MET: variants seen among roughly 807,000 people sequenced by gnomAD.
MET encodes hepatocyte growth factor receptor.
Under a neutral mutation model 133.1 loss-of-function variants are expected in MET, and 48 were observed. That is an observed-to-expected ratio of 0.36 (90% CI 0.29 to 0.46). The LOEUF (loss-of-function observed/expected upper bound fraction) is 0.46, where lower values mean the gene tolerates loss of function less well. MET is among the 20% of genes least tolerant of loss of function. The pLI, the probability that MET is intolerant of heterozygous loss-of-function variation, is 1.00. For missense variants in MET, 1,442 were observed against 1,695.9 expected (o/e 0.85, Z 2.63); for synonymous variants, 628 against 616.5 (o/e 1.02, Z -0.28).
At chr7:116,698,989 A>G (rs566231589) in intron 1 of MET, 82 bp from the exon 2 acceptor site, 69 of 1,589,904 alleles carry the variant, frequency 4.3e-5, no homozygotes, top group Non-Finnish European at 5.7e-5. Flanking sequence ...TTTATTTCTG[A>G]TAGATTAAAT....
intron 5 of MET, among the ~76,000 whole-genome samples, chr7:116,754,943 GAAAGAA>G (rs759960697): frequency 2.0e-4 from 27 of 135,036 alleles, no homozygotes; most frequent in African/African-American, 6.5e-4. Context: ...AAGAAAGAAA[GAAAGAA>G]AGAGAAAGAA....
intron 1 of MET, among the ~76,000 whole-genome samples, chr7:116,691,190 C>T (rs967526627): frequency 5.3e-5 from 8 of 152,300 alleles, no homozygotes; most frequent in Middle Eastern, 3.4e-3. Flanking sequence ...TATATCTTAA[C>T]TCTTTACTTA....
chr7:116,708,862 ACC>A (rs1791893173), intron 2 of MET, among the ~76,000 whole-genome samples: 1 of 152,160 alleles, frequency 6.6e-6, no homozygotes. Context: ...AAGTTTTATG[ACC>A]AAGAGAAACA....
chr7:116,751,688 A>G (rs1793926924), intron 5 of MET, among the ~76,000 whole-genome samples: 1 of 152,190 alleles, frequency 6.6e-6, no homozygotes, highest in East Asian at 1.9e-4. Context: ...TTAAAGAGCA[A>G]TGAGAAATGC....
Position 116,796,302 on chromosome 7 carries a change from C to T in MET, c.*178C>T. On this transcript the variant is annotated 3_prime_UTR_variant, in exon 21 of 21. Transcript: ENST00000397752. ...TTCTTATCTGACAGAGCATCAGAAC[C>T]AGAGGCTTGGTCCCACAGGCCACGG... The T allele has an allele frequency of 1.5e-6, 1 of 671,804 alleles. No homozygotes were observed. Among genetic ancestry groups the T allele is most frequent in the Non-Finnish European group, 2.6e-6 (1 of 385,586 alleles). 41.6% of individuals were successfully genotyped at this position (671,804 alleles called of 1,614,324 possible).
intron 11 of MET, among the ~76,000 whole-genome samples, chr7:116,765,850 T>C (rs957286760): frequency 1.3e-5 from 2 of 152,098 alleles, no homozygotes; most frequent in South Asian, 4.1e-4. Context: ...TAAACAAAGG[T>C]TTAGGAAGAT....
Position 116,777,379 on chromosome 7 carries a change from T to C in MET, c.3260-10T>C, listed in dbSNP as rs762916873. The C allele has an allele frequency of 1.9e-6, 3 of 1,613,104 alleles. No homozygotes were observed. In the South Asian group the frequency reaches 3.3e-5, roughly 18 times the overall value. On this transcript the variant is annotated splice_polypyrimidine_tract_variant and intron_variant, in intron 15 of 20. Transcript: ENST00000397752. ...TACGCAGTGCTAACCAAGTTCTTTC[T>C]TTTGCACAGGGCATTTTGGTTGTGT...
At chr7:116,719,542 T>G (rs1274339810) in intron 2 of MET, among the ~76,000 whole-genome samples, 2 of 152,162 alleles carry the variant, frequency 1.3e-5, no homozygotes, top group African/African-American at 4.8e-5. Flanking sequence ...GCTTTTGGTG[T>G]TTTGGACATG....
intron 1 of MET, among the ~76,000 whole-genome samples, chr7:116,674,414 C>G (rs747190582): frequency 6.6e-6 from 1 of 151,892 alleles, no homozygotes; most frequent in Non-Finnish European, 1.5e-5. Flanking sequence ...TTGCATTAAT[C>G]TTGAAATCTT....
intron 1 of MET, among the ~76,000 whole-genome samples, chr7:116,684,603 T>C (rs1223234832): frequency 6.6e-6 from 1 of 152,134 alleles, no homozygotes; most frequent in Non-Finnish European, 1.5e-5. Flanking sequence ...AACTTATCCA[T>C]GTGAAGTTGA....
chr7:116,724,977 A>C, intron 2 of MET: 1 of 740,868 alleles, frequency 1.3e-6, no homozygotes, highest in Non-Finnish European at 1.9e-6. Flanking sequence ...TGCTAAGGTC[A>C]TGCAACTCAT....
intron 2 of MET, among the ~76,000 whole-genome samples, chr7:116,703,462 A>G (rs7805089): frequency 0.026 from 4,025 of 152,266 alleles, 140 homozygotes; most frequent in East Asian, 0.07. Context: ...TATTCTCTAA[A>G]TAGCATATTA....
chr7:116,700,580 A>G (rs1041836036), intron 2 of MET, among the ~76,000 whole-genome samples: 1 of 152,184 alleles, frequency 6.6e-6, no homozygotes, highest in African/African-American at 2.4e-5. Context: ...TTATATTTAC[A>G]CAGATTTTAT....
At chr7:116,792,745 C>G (rs1212432376) in intron 19 of MET, among the ~76,000 whole-genome samples, 1 of 152,172 alleles carries the variant, frequency 6.6e-6, no homozygotes, top group African/African-American at 2.4e-5. Flanking sequence ...ACTCCATCCC[C>G]CTTTTATGTG....
In MET at chr7:116,716,521, G is replaced by GAAAGAA. The variant is rs1562893564; in HGVS notation, c.1201-15145_1201-15140dup. Among the ~76,000 whole-genome samples, 14 of 148,618 alleles carry GAAAGAA rather than the reference G, an allele frequency of 9.4e-5. No homozygotes were observed. In the South Asian group the frequency reaches 2.8e-3, roughly 30 times the overall value. On this transcript the variant is annotated intron_variant, in intron 2 of 20. Coordinates refer to ENST00000397752, the MANE Select transcript of MET (RefSeq NM_000245.4). ...AGAAAGAAAGAAAGAAAGAAAGAAA[G>GAAAGAA]AAAGAAAGAAAGAAAGAAGATATGA...
chr7:116,772,167 A>G (rs1455509087), intron 14 of MET, among the ~76,000 whole-genome samples, 178 bp downstream of exon 14: 1 of 152,202 alleles, frequency 6.6e-6, no homozygotes, highest in Non-Finnish European at 1.5e-5. Flanking sequence ...AAAAGAACCC[A>G]TGTATATATT....
chr7:116,754,893 G>GAA (rs1448503614), intron 5 of MET, among the ~76,000 whole-genome samples: 16 of 97,516 alleles, frequency 1.6e-4, no homozygotes, highest in Middle Eastern at 5.3e-3. Context: ...GAGAGAAAGA[G>GAA]AGAAAGAAAG....
intron 2 of MET, among the ~76,000 whole-genome samples, chr7:116,729,060 G>C (rs748494471): frequency 4.4e-4 from 67 of 152,172 alleles, no homozygotes; most frequent in Non-Finnish European, 8.2e-4. Flanking sequence ...GATTCCCTTA[G>C]CTCTGGCTAT....
Position 116,757,670 on chromosome 7 carries a change from C to G in MET, c.1998C>G (p.Tyr666Ter), listed in dbSNP as rs566540058. Reference sequence around the variant, plus strand: ...TAATAACAAGTATTTCGCCGAAATACGGTCCTATGGCTGGTGGCACTTTAC... The same window carrying G: ...TAATAACAAGTATTTCGCCGAAATAGGGTCCTATGGCTGGTGGCACTTTAC... ...DPVITSISPKYGPMAGGTLLT... is the reference protein window; with the variant it reads ...DPVITSISPK Residue 666 changes from tyrosine to a stop codon, truncating the protein, a stop_gained, in exon 8 of 21, where the codon TAC (tyrosine) becomes TAG (stop). Coordinates refer to ENST00000397752, the MANE Select transcript of MET (RefSeq NM_000245.4). LOFTEE classifies it high-confidence loss of function. 1 of 1,613,894 alleles carries G rather than the reference C, an allele frequency of 6.2e-7. No individual in the cohort carries two copies. The highest frequency in any genetic ancestry group is 8.5e-7 in the Non-Finnish European group (1 of 1,179,914).
Sources: allele counts gnomAD v4.1 joint callset (sites outside exome capture counted in the v4.1 genomes callset), GRCh38; gene constraint gnomAD v4.1.1; transcripts MANE v1.5; gene names NCBI Gene and HGNC (gene_info 2026-07-23, HGNC 2026-07-21).